HDAC9: variants seen among roughly 807,000 people sequenced by gnomAD.
HDAC9 encodes the protein histone deacetylase 9.
Under a neutral mutation model 139.4 loss-of-function variants are expected in HDAC9, and 41 were observed. The observed-to-expected ratio is 0.29, with a 90% CI of 0.23 to 0.38. The LOEUF (loss-of-function observed/expected upper bound fraction) is 0.38. Ranked by LOEUF, HDAC9 falls within the 10% of genes least tolerant of loss-of-function variation. HDAC9 has a pLI of 1.00. For missense variants in HDAC9, 1,147 were observed against 1,297.0 expected (o/e 0.88, Z 1.78); for synonymous variants, 517 against 476.2 (o/e 1.09, Z -1.12).
At chr7:18,171,483 T>C (rs1032680636) in intron 2 of HDAC9, among the ~76,000 whole-genome samples, 1 of 152,216 alleles carries the variant, frequency 6.6e-6, no homozygotes, top group Non-Finnish European at 1.5e-5. Context: ...CAACAGTATG[T>C]TGAATAGGAG....
chr7:18,143,406 A>G (rs997506478), intron 1 of HDAC9, among the ~76,000 whole-genome samples: 2 of 152,212 alleles, frequency 1.3e-5, no homozygotes, highest in Non-Finnish European at 2.9e-5. Context: ...AAGAAGTTCT[A>G]TTTATTGACA....
At chr7:18,565,711 T>G (rs1822099811) in intron 2 of HDAC9, among the ~76,000 whole-genome samples, 1 of 152,208 alleles carries the variant, frequency 6.6e-6, no homozygotes, top group African/African-American at 2.4e-5. Flanking sequence ...CTAAATGCAC[T>G]GAAATAATAA....
intron 1 of HDAC9, among the ~76,000 whole-genome samples, chr7:18,333,555 A>C (rs1414082828): frequency 6.6e-6 from 1 of 151,512 alleles, no homozygotes; most frequent in Non-Finnish European, 1.5e-5. Context: ...AAACACTTGC[A>C]ATCATAGGTT....
intron 12 of HDAC9, among the ~76,000 whole-genome samples, chr7:18,725,084 A>G (rs1785437236): frequency 6.6e-6 from 1 of 152,188 alleles, no homozygotes; most frequent in Admixed American, 6.5e-5. Flanking sequence ...ATGAATGTTC[A>G]TGGTCAACAT....
intron 2 of HDAC9, among the ~76,000 whole-genome samples, chr7:18,193,259 G>A (rs1241154510): frequency 6.6e-6 from 1 of 152,140 alleles, no homozygotes; most frequent in Non-Finnish European, 1.5e-5. Flanking sequence ...AGATGAAAAG[G>A]TGGAACAATA....
intron 6 of HDAC9, among the ~76,000 whole-genome samples, chr7:18,605,894 ATGG>A (rs200232202): frequency 0.019 from 2,893 of 152,058 alleles, 96 homozygotes; most frequent in African/African-American, 0.066. Flanking sequence ...GTTAGCCAGG[ATGG>A]TCTCCATCTC....
In HDAC9 at chr7:18,472,123, T is replaced by G. The variant is rs554141553; in HGVS notation, c.-41-24139T>G. Among the ~76,000 whole-genome samples the G allele has an allele frequency of 3.3e-5, 5 of 152,346 alleles. 1 individual carries two copies. In the South Asian group the frequency reaches 1.0e-3, roughly 32 times the overall value. The stretch of plus-strand genomic sequence containing the variant: ...GATTTGGAGCCTTGCTTTAGCTGCC[T>G]TTAGCTGGAAGATTTGATTTTGAGT... On this transcript the variant is annotated intron_variant, in intron 1 of 3. Transcript: ENST00000413509.
chr7:18,685,232 A>G (rs1300564523), intron 12 of HDAC9, among the ~76,000 whole-genome samples: 1 of 152,046 alleles, frequency 6.6e-6, no homozygotes, highest in African/African-American at 2.4e-5. Context: ...ATGAAGTGTC[A>G]TTATGCACTG....
chr7:18,820,833 A>G (rs931435810), intron 17 of HDAC9, among the ~76,000 whole-genome samples: 5 of 152,258 alleles, frequency 3.3e-5, no homozygotes, highest in Non-Finnish European at 5.9e-5. Context: ...CAAGAGGTGT[A>G]TCATTAGAAA....
chr7:18,626,767 G>A (rs1841834730), intron 6 of HDAC9, among the ~76,000 whole-genome samples: 1 of 152,144 alleles, frequency 6.6e-6, no homozygotes, highest in Non-Finnish European at 1.5e-5. Flanking sequence ...AAAGCTATCT[G>A]CTGACCTTAA....
At chr7:18,904,919 C>G (rs1379011783) in intron 22 of HDAC9, among the ~76,000 whole-genome samples, 3 of 151,140 alleles carry the variant, frequency 2.0e-5, no homozygotes, top group East Asian at 1.9e-4. Flanking sequence ...TTTGTTTTTT[C>G]TCAAAGTCTT....
At chr7:18,139,176 A>G (rs1178309326) in intron 1 of HDAC9, among the ~76,000 whole-genome samples, 4 of 136,874 alleles carry the variant, frequency 2.9e-5, no homozygotes, top group Admixed American at 2.5e-4. Flanking sequence ...CCCAGGCTGC[A>G]GTGCAGTGGC....
intron 23 of HDAC9, among the ~76,000 whole-genome samples, chr7:18,941,487 G>C (rs1448030317): frequency 6.6e-6 from 1 of 152,074 alleles, no homozygotes; most frequent in Non-Finnish European, 1.5e-5. Flanking sequence ...TGCTCATCAG[G>C]GGTTTGTTTT....
chr7:18,969,685 A>C (rs1225111252), intron 24 of HDAC9, among the ~76,000 whole-genome samples: 2 of 152,166 alleles, frequency 1.3e-5, no homozygotes, highest in African/African-American at 4.8e-5. Context: ...AGAGAAAAAA[A>C]AATACAGCAT....
chr7:18,497,883 C>A (rs1282669512), intron 2 of HDAC9, among the ~76,000 whole-genome samples: 1 of 152,102 alleles, frequency 6.6e-6, no homozygotes, highest in Non-Finnish European at 1.5e-5. Context: ...CTAAGGCTGG[C>A]TACAGGTGTT....
chr7:18,868,623 T>A (rs927017277), intron 21 of HDAC9, among the ~76,000 whole-genome samples: 1 of 152,214 alleles, frequency 6.6e-6, no homozygotes, highest in African/African-American at 2.4e-5. Flanking sequence ...CTCCCATAGT[T>A]CTTGCTACAG....
At chr7:18,122,338 A>G (rs1031134002) in intron 1 of HDAC9, among the ~76,000 whole-genome samples, 2 of 152,182 alleles carry the variant, frequency 1.3e-5, no homozygotes, top group Admixed American at 6.5e-5. Flanking sequence ...ATGTAAAGTA[A>G]TGGAACTGAC....
chr7:18,207,754 G>A (rs1331311806), intron 2 of HDAC9, among the ~76,000 whole-genome samples: 3 of 151,644 alleles, frequency 2.0e-5, no homozygotes, highest in Non-Finnish European at 2.9e-5. Flanking sequence ...TGCTCTTGTT[G>A]CCCAGGCTGG....
At chr7:18,315,267 T>C (rs935181899) in intron 1 of HDAC9, among the ~76,000 whole-genome samples, 1 of 152,208 alleles carries the variant, frequency 6.6e-6, no homozygotes, top group Non-Finnish European at 1.5e-5. Flanking sequence ...TTCACTGTTC[T>C]GTGTTTACCA....
Sources: gnomAD v4.1 joint callset for allele counts (sites outside exome capture counted in the v4.1 genomes callset) on GRCh38, gnomAD v4.1.1 for gene constraint, MANE v1.5 for transcripts, NCBI Gene and HGNC (gene_info 2026-07-23, HGNC 2026-07-21) for gene names.